Variants in HGF observed in about 807,000 individuals in gnomAD.
The protein encoded by HGF is fibroblast-derived tumor cytotoxic factor.
HGF carries 39 observed loss-of-function variants against 111.6 expected under a neutral mutation model. That is an observed-to-expected ratio of 0.35 (90% CI 0.27 to 0.46). The LOEUF is 0.46. Among genes scored for constraint, HGF ranks in the 20% least tolerant of loss-of-function variants. HGF has a pLI of 1.00. For synonymous variants in HGF, 285 were observed against 294.8 expected, an observed-to-expected ratio of 0.97 and a Z score of 0.34; for missense variants, 735 against 910.5, an observed-to-expected ratio of 0.81 and a Z score of 2.48.
chr7:81,730,526 C>T (rs961548134), intron 7 of HGF, among the ~76,000 whole-genome samples: 1 of 152,046 alleles, frequency 6.6e-6, no homozygotes, highest in East Asian at 1.9e-4. Flanking sequence ...ATCTTGTTGA[C>T]AATAAAGAAA....
chr7:81,726,061 C>G (rs377612365), intron 8 of HGF, 44 bp from the exon 9 acceptor site: 1 of 1,601,692 alleles, frequency 6.2e-7, no homozygotes, highest in Non-Finnish European at 8.6e-7. Context: ...GGAGTTCTTA[C>G]GTTGGTGAAG....
chr7:81,722,944 G>C (rs1789911313), intron 9 of HGF, among the ~76,000 whole-genome samples: 1 of 150,640 alleles, frequency 6.6e-6, no homozygotes, highest in Admixed American at 6.6e-5. Flanking sequence ...TTTTTAAAGT[G>C]ACTTTTTATA....
At chr7:81,735,162 A>G (rs1158611364) in intron 7 of HGF, among the ~76,000 whole-genome samples, 3 of 152,116 alleles carry the variant, frequency 2.0e-5, no homozygotes, top group African/African-American at 7.2e-5. Flanking sequence ...TAAAATTGAC[A>G]TGGGAAAGTA....
rs1789570258 is a variant in HGF, at chr7:81,711,533, T to A, written c.1406-14A>T. On this transcript the variant is annotated splice_polypyrimidine_tract_variant and intron_variant, in intron 11 of 17. Transcript: ENST00000222390. ...TATCACCTTCACCTGTAAAAATAAATGTATAGATAAATACACAATTCATAT... is the reference window on the plus strand; with the variant it reads ...TATCACCTTCACCTGTAAAAATAAAAGTATAGATAAATACACAATTCATAT... The A allele has an allele frequency of 8.0e-7, 1 of 1,245,330 alleles. No homozygotes were observed. The highest frequency in any genetic ancestry group is 1.2e-6 in the Non-Finnish European group (1 of 861,686). The allele number at this position is 1,245,330 out of a possible 1,614,324, so 77.1% of individuals were successfully genotyped here. A position where few individuals can be genotyped will look rare whatever the true frequency, so the allele number is the denominator to read the frequency against.
intron 9 of HGF, among the ~76,000 whole-genome samples, chr7:81,724,895 T>C (rs530615483): frequency 3.9e-5 from 6 of 152,342 alleles, no homozygotes; most frequent in Non-Finnish European, 8.8e-5. Context: ...TATTTCAATC[T>C]GATTTTACTA....
intron 3 of HGF, 113 bp downstream of exon 3, chr7:81,758,579 A>T (rs1282749668): frequency 1.4e-6 from 1 of 698,384 alleles, no homozygotes; most frequent in Non-Finnish European, 2.6e-6. Flanking sequence ...TACATAAAAT[A>T]TCTCATATAT....
At chr7:81,748,186 A>T (rs899590711) in intron 5 of HGF, among the ~76,000 whole-genome samples, 3 of 152,158 alleles carry the variant, frequency 2.0e-5, no homozygotes, top group Non-Finnish European at 4.4e-5. Context: ...AACTGGTTAT[A>T]CTTTATGATA....
intron 11 of HGF, among the ~76,000 whole-genome samples, chr7:81,713,993 T>C (rs1203959902): frequency 3.0e-4 from 35 of 115,760 alleles, no homozygotes; most frequent in Admixed American, 9.8e-4. Flanking sequence ...TGTGTGCGTG[T>C]GTGTGTGTGT....
chr7:81,768,115 A>G (rs1789454469), intron 1 of HGF, among the ~76,000 whole-genome samples: 1 of 152,140 alleles, frequency 6.6e-6, no homozygotes, highest in Admixed American at 6.5e-5. Context: ...TACATTAGGC[A>G]AAGTGAAATA....
At chr7:81,769,505 G>A (rs914322213) in intron 1 of HGF, among the ~76,000 whole-genome samples, 5 of 152,016 alleles carry the variant, frequency 3.3e-5, no homozygotes, top group Non-Finnish European at 5.9e-5. Flanking sequence ...ACTTCCTGCC[G>A]GACTGACCAT....
At chr7:81,724,070 TG>T (rs1356499440) in intron 9 of HGF, among the ~76,000 whole-genome samples, 6 of 152,326 alleles carry the variant, frequency 3.9e-5, no homozygotes, top group Non-Finnish European at 7.3e-5. Context: ...GTGACGTATA[TG>T]TATATAAAAT....
intron 1 of HGF, among the ~76,000 whole-genome samples, chr7:81,768,090 A>C (rs1407890791): frequency 6.6e-6 from 1 of 152,172 alleles, no homozygotes; most frequent in Non-Finnish European, 1.5e-5. Context: ...TGTACTCAGG[A>C]AACACAGTCA....
rs1370840341 is a variant in HGF at position 81,700,234 on chromosome 7, A to T, written c.*2347T>A. On this transcript the variant is annotated 3_prime_UTR_variant, in exon 18 of 18. Coordinates refer to ENST00000222390, the MANE Select transcript of HGF (RefSeq NM_000601.6). ...TAAATAGTGTCTTCCACCAGCAAAT[A>T]ATGACATGACTCTACCCTGTTCTAC... 1.3e-5 allele frequency: 2 copies of T among 151,638 alleles called. No individual in the cohort carries two copies. The highest frequency in any genetic ancestry group is 1.5e-5 in the Non-Finnish European group (1 of 67,688). The allele number at this position is 151,638 out of a possible 1,614,324, so 9.4% of individuals were successfully genotyped here. A position where few individuals can be genotyped will look rare whatever the true frequency, so the allele number is the denominator to read the frequency against.
At chr7:81,733,380 A>T (rs1407219173) in intron 7 of HGF, among the ~76,000 whole-genome samples, 2 of 151,940 alleles carry the variant, frequency 1.3e-5, no homozygotes, top group African/African-American at 2.4e-5. Context: ...AAATAATAAC[A>T]TTATTATTTT....
chr7:81,747,755 C>G lies in HGF; in HGVS notation c.626-2635G>C, dbSNP rs367684822. 5.9e-5 allele frequency among the ~76,000 whole-genome samples: 9 copies of G among 152,130 alleles called. No homozygotes were observed. In the East Asian group the frequency reaches 1.6e-3, roughly 26 times the overall value. On this transcript the variant is annotated intron_variant, in intron 5 of 17. Coordinates refer to ENST00000222390, the MANE Select transcript of HGF (RefSeq NM_000601.6). ...TAGCACTTTGGGAGGCCAAGGCAGG[C>G]AGATTGCCTGAGGTCAGGAGTTTGA...
At chr7:81,733,242 G>A (rs143607526) in intron 7 of HGF, among the ~76,000 whole-genome samples, 138 of 151,172 alleles carry the variant, frequency 9.1e-4, no homozygotes, top group African/African-American at 3.1e-3. Context: ...ATTTGGAGAC[G>A]GAAAATAAAA....
At chr7:81,753,825 G>A (rs769762061) in intron 4 of HGF, among the ~76,000 whole-genome samples, 26 of 151,894 alleles carry the variant, frequency 1.7e-4, no homozygotes, top group African/African-American at 6.0e-4. Context: ...TTGTCAGACC[G>A]TATGACTGAC....
chr7:81,718,367 T>A (rs1424618057), intron 10 of HGF, among the ~76,000 whole-genome samples: 3 of 152,144 alleles, frequency 2.0e-5, no homozygotes, highest in Non-Finnish European at 4.4e-5. Flanking sequence ...CCATATTACA[T>A]TTGTGGAAAT....
At chr7:81,738,101 G>C (rs965504913) in intron 7 of HGF, among the ~76,000 whole-genome samples, 2 of 152,062 alleles carry the variant, frequency 1.3e-5, no homozygotes, top group African/African-American at 2.4e-5. Context: ...AGAAGGGAGA[G>C]GATCAGGAAA....
Sources: gnomAD v4.1 joint callset for allele counts (sites outside exome capture counted in the v4.1 genomes callset) on GRCh38, gnomAD v4.1.1 for gene constraint, MANE v1.5 for transcripts, NCBI Gene and HGNC (gene_info 2026-07-23, HGNC 2026-07-21) for gene names.